Variants in CYP39A1 observed in about 807,000 individuals in gnomAD.
CYP39A1 encodes the protein 24-hydroxycholesterol 7-alpha-hydroxylase.
A neutral mutation model predicts 58.1 loss-of-function variants in CYP39A1; 49 were observed. That is an observed-to-expected ratio of 0.84 (90% CI 0.67 to 1.07). The LOEUF (loss-of-function observed/expected upper bound fraction) is 1.07. Ranked by LOEUF, CYP39A1 falls within the 50% of genes least tolerant of loss-of-function variation. The pLI is 0.00. For missense variants in CYP39A1, 531 were observed against 539.4 expected (o/e 0.98, Z 0.16); for synonymous variants, 209 against 187.6 (o/e 1.11, Z -0.93).
chr6:46,612,950 T>C (rs960944411), intron 7 of CYP39A1, among the ~76,000 whole-genome samples: 4 of 152,204 alleles, frequency 2.6e-5, no homozygotes, highest in African/African-American at 7.2e-5. Flanking sequence ...AAGGTTGTTA[T>C]TGGTTGGCAA....
chr6:46,650,766 C>A (rs1762637482), intron 1 of CYP39A1, among the ~76,000 whole-genome samples: 1 of 151,982 alleles, frequency 6.6e-6, no homozygotes, highest in African/African-American at 2.4e-5. Context: ...TCCTCCCACC[C>A]CTGCCTCCCA....
intron 3 of CYP39A1, 25 bp from the exon 4 acceptor site, chr6:46,638,003 A>T: frequency 6.3e-7 from 1 of 1,580,006 alleles, no homozygotes; most frequent in Non-Finnish European, 8.5e-7. Context: ...ACACACAAAA[A>T]GTCAGACCCG....
chr6:46,596,007 C>T lies in CYP39A1; in HGVS notation c.1045G>A (p.Val349Met). 1 of 1,609,734 alleles carries T rather than the reference C, an allele frequency of 6.2e-7. No individual in the cohort carries two copies. Among genetic ancestry groups the T allele is most frequent in the South Asian group, 1.1e-5 (1 of 89,730 alleles). ...CTTACCAAAATTTCCACAGGCTTCA[C>T]CACTTTTCTAGTAATGACACCAGGA... ...KAPGVITRKV[V>M]KPVEILNYII... The change falls in exon 8 of 12, where the codon GTG (valine) becomes ATG (methionine). Residue 349 changes from valine (V) to methionine (M), a missense_variant. Coordinates refer to ENST00000275016, the MANE Select transcript of CYP39A1 (RefSeq NM_016593.5).
chr6:46,570,919 A>C (rs966334240), intron 10 of CYP39A1, among the ~76,000 whole-genome samples: 1 of 152,166 alleles, frequency 6.6e-6, no homozygotes, highest in African/African-American at 2.4e-5. Flanking sequence ...TCCATACCAT[A>C]TCAGATATGT....
intron 1 of CYP39A1, among the ~76,000 whole-genome samples, chr6:46,650,751 A>G (rs1762636419): frequency 6.6e-6 from 1 of 152,004 alleles, no homozygotes; most frequent in Admixed American, 6.5e-5. Context: ...CCTGGCCTCA[A>G]GCAATCCTCC....
chr6:46,600,231 C>G (rs1243782698), intron 7 of CYP39A1, among the ~76,000 whole-genome samples: 1 of 151,856 alleles, frequency 6.6e-6, no homozygotes, highest in Non-Finnish European at 1.5e-5. Context: ...CAGGTTCAAG[C>G]GATTCAGCCT....
chr6:46,631,052 G>C lies in CYP39A1; in HGVS notation c.751C>G (p.Leu251Val). The C allele has an allele frequency of 6.2e-7, 1 of 1,613,544 alleles. No individual in the cohort carries two copies. Among genetic ancestry groups the C allele is most frequent in the South Asian group, 1.1e-5 (1 of 91,020 alleles). ...DNSMTLLQAT[L>V]DIVETETSKE... ...CTTGTTTCCGTCTCTACAATATCCA[G>C]CGTAGCTTGCAATAATGTCTGTTTA... The change falls in exon 6 of 12, where the codon CTG becomes GTG. Residue 251 changes from leucine to valine, a missense_variant. By Grantham distance (32) the Leu-to-Val change is conservative. Transcript: ENST00000275016.
intron 10 of CYP39A1, among the ~76,000 whole-genome samples, chr6:46,580,168 G>A (rs998834086): frequency 3.3e-5 from 5 of 152,164 alleles, no homozygotes; most frequent in Admixed American, 1.3e-4. Context: ...ATGGACCAAT[G>A]GAACAAATTA....
chr6:46,582,791 T>G (rs140842993), intron 10 of CYP39A1, among the ~76,000 whole-genome samples: 2 of 152,170 alleles, frequency 1.3e-5, no homozygotes, highest in Non-Finnish European at 2.9e-5. Flanking sequence ...ACAAGGTGAC[T>G]TGGGTGGGAA....
intron 7 of CYP39A1, among the ~76,000 whole-genome samples, chr6:46,613,135 T>C (rs1774315535): frequency 2.0e-5 from 3 of 152,270 alleles, no homozygotes; most frequent in Non-Finnish European, 4.4e-5. Context: ...AGAATATCAC[T>C]TTTCACTTTA....
chr6:46,622,122 C>T (rs1774991967), intron 7 of CYP39A1, among the ~76,000 whole-genome samples: 1 of 151,892 alleles, frequency 6.6e-6, no homozygotes, highest in Non-Finnish European at 1.5e-5. Context: ...CCACAAAAGG[C>T]AAATGTGTCA....
chr6:46,613,148 A>G (rs763400585), intron 7 of CYP39A1, among the ~76,000 whole-genome samples: 3 of 152,246 alleles, frequency 2.0e-5, no homozygotes, highest in Admixed American at 6.5e-5. Context: ...TCACTTTACT[A>G]GTGTTTATAC....
Position 46,616,574 on chromosome 6 carries a change from T to G in CYP39A1, c.931+8844A>C, listed in dbSNP as rs1379834606. ...TATTTTTACTTTTAGAGTTTACTTA[T>G]GTATTACATTTATTGTTAATTGTCT... On this transcript the variant is annotated intron_variant, in intron 7 of 11. Coordinates refer to ENST00000275016, the MANE Select transcript of CYP39A1 (RefSeq NM_016593.5). Among the ~76,000 whole-genome samples, 5 of 152,230 alleles carry G rather than the reference T, an allele frequency of 3.3e-5. No individual in the cohort carries two copies. The East Asian group carries it at 9.7e-4, about 30-fold the overall frequency.
At chr6:46,637,133 G>C (rs1208101867) in intron 4 of CYP39A1, among the ~76,000 whole-genome samples, 1 of 152,118 alleles carries the variant, frequency 6.6e-6, no homozygotes, top group Non-Finnish European at 1.5e-5. Flanking sequence ...CTGCAACCCG[G>C]AAGGAGCCCT....
intron 10 of CYP39A1, among the ~76,000 whole-genome samples, chr6:46,573,038 T>G (rs1480581397): frequency 6.6e-6 from 1 of 152,054 alleles, no homozygotes; most frequent in Non-Finnish European, 1.5e-5. Context: ...TTGCTTCACT[T>G]CCAGTTTTAT....
chr6:46,592,558 A>G (rs982256377), intron 8 of CYP39A1, among the ~76,000 whole-genome samples: 1 of 152,220 alleles, frequency 6.6e-6, no homozygotes, highest in Non-Finnish European at 1.5e-5. Context: ...TGGAAGCCAC[A>G]TACATATGCA....
At chr6:46,573,699 G>T (rs1771708956) in intron 10 of CYP39A1, among the ~76,000 whole-genome samples, 2 of 152,152 alleles carry the variant, frequency 1.3e-5, no homozygotes, top group Admixed American at 1.3e-4. Context: ...CCAGAGTCCT[G>T]GGCTCAGGAG....
chr6:46,555,692 T>C (rs1770637325), intron 10 of CYP39A1, among the ~76,000 whole-genome samples: 1 of 152,220 alleles, frequency 6.6e-6, no homozygotes, highest in Admixed American at 6.5e-5. Context: ...GTCTTATCTT[T>C]AAATCATCAA....
At chr6:46,604,133 A>G (rs1401644469) in intron 7 of CYP39A1, among the ~76,000 whole-genome samples, 2 of 152,206 alleles carry the variant, frequency 1.3e-5, no homozygotes, top group African/African-American at 4.8e-5. Flanking sequence ...AGAATACATT[A>G]TAATCATCTT....
Sources: gnomAD v4.1 joint callset for allele counts (sites outside exome capture counted in the v4.1 genomes callset) on GRCh38, gnomAD v4.1.1 for gene constraint, MANE v1.5 for transcripts, NCBI Gene and HGNC (gene_info 2026-07-23, HGNC 2026-07-21) for gene names.